NSMCE2: variants seen among roughly 807,000 people sequenced by gnomAD.
The protein encoded by NSMCE2 is E3 SUMO-protein ligase NSE2.
In NSMCE2, 24 loss-of-function variants were observed where a neutral mutation model predicts 23.8. That is an observed-to-expected ratio of 1.01 (90% confidence interval 0.73 to 1.42). The LOEUF (loss-of-function observed/expected upper bound fraction) is 1.42. Ranked by LOEUF, NSMCE2 falls within the 40% of genes most tolerant of loss-of-function variation. NSMCE2 has a pLI of 0.00. For missense variants in NSMCE2, 284 were observed against 296.5 expected (o/e 0.96, Z 0.31); for synonymous variants, 92 against 94.1 (o/e 0.98, Z 0.13).
intron 5 of NSMCE2, among the ~76,000 whole-genome samples, chr8:125,321,477 C>G (rs1394160499): frequency 6.6e-6 from 1 of 152,068 alleles, no homozygotes; most frequent in Non-Finnish European, 1.5e-5. Context: ...AAAGTAATAC[C>G]AAGTCTACAG....
intron 5 of NSMCE2, among the ~76,000 whole-genome samples, chr8:125,328,220 A>AGAAACAATATTCTAAATGTG (rs949843476): frequency 3.3e-5 from 5 of 151,880 alleles, no homozygotes; most frequent in Non-Finnish European, 7.4e-5. Flanking sequence ...CATGTCCACA[A>AGAAACAATATTCTAAATGTG]GAAACAATAT....
chr8:125,253,183 T>C (rs1826265101), intron 5 of NSMCE2, among the ~76,000 whole-genome samples: 3 of 152,192 alleles, frequency 2.0e-5, no homozygotes, highest in Admixed American at 2.0e-4. Flanking sequence ...TAGGCAAATA[T>C]GGAAGTTTAT....
At chr8:125,221,261 A>G (rs994851017) in intron 5 of NSMCE2, among the ~76,000 whole-genome samples, 3 of 152,144 alleles carry the variant, frequency 2.0e-5, no homozygotes, top group Non-Finnish European at 4.4e-5. Flanking sequence ...TATCTCTTTT[A>G]TTGAGACAAG....
intron 5 of NSMCE2, among the ~76,000 whole-genome samples, chr8:125,198,796 G>A (rs1823740455): frequency 6.6e-6 from 1 of 152,176 alleles, no homozygotes; most frequent in African/African-American, 2.4e-5. Flanking sequence ...GGTAGAATTA[G>A]GCTGTGAATC....
intron 5 of NSMCE2, among the ~76,000 whole-genome samples, chr8:125,238,696 A>G (rs1156901173): frequency 1.3e-5 from 2 of 152,056 alleles, no homozygotes; most frequent in Non-Finnish European, 2.9e-5. Flanking sequence ...TTATTTTAAG[A>G]TTTAAAATAA....
At chr8:125,292,234 GAGAAGA>G (rs940985767) in intron 5 of NSMCE2, among the ~76,000 whole-genome samples, 1 of 151,782 alleles carries the variant, frequency 6.6e-6, no homozygotes, top group Admixed American at 6.6e-5. Context: ...AAAAAAAAAG[GAGAAGA>G]AGAAGAAAAA....
chr8:125,344,949 T>G (rs1045389083), intron 5 of NSMCE2, among the ~76,000 whole-genome samples: 1 of 151,900 alleles, frequency 6.6e-6, no homozygotes, highest in African/African-American at 2.4e-5. Flanking sequence ...CTTTCAGATA[T>G]CTATACTTCT....
At chr8:125,257,726 G>A (rs553533308) in intron 5 of NSMCE2, among the ~76,000 whole-genome samples, 48 of 152,026 alleles carry the variant, frequency 3.2e-4, no homozygotes, top group African/African-American at 1.1e-3. Context: ...AGTAGAAACG[G>A]GGTTTCATTG....
At chr8:125,302,433 A>G (rs528537867) in intron 5 of NSMCE2, among the ~76,000 whole-genome samples, 8 of 152,170 alleles carry the variant, frequency 5.3e-5, no homozygotes, top group Non-Finnish European at 1.0e-4. Flanking sequence ...GGGAAAGGAA[A>G]GTAGGAGATG....
chr8:125,232,374 A>AG (rs1491162587), intron 5 of NSMCE2, among the ~76,000 whole-genome samples: 1 of 152,028 alleles, frequency 6.6e-6, no homozygotes, highest in Non-Finnish European at 1.5e-5. Context: ...AAAAAAAAAA[A>AG]GAAAGAAAGA....
rs1337676190 is a variant in NSMCE2, at chr8:125,324,675, C to T, written c.419-32544C>T. Among the ~76,000 whole-genome samples the T allele has an allele frequency of 3.0e-5, 3 of 100,676 alleles. 1 individual carries two copies. The highest frequency in any genetic ancestry group is 7.1e-5 in the Non-Finnish European group (3 of 42,548). 66.0% of individuals were successfully genotyped at this position (100,676 alleles called of 152,430 possible). A position where few individuals can be genotyped will look rare whatever the true frequency, so the allele number is the denominator to read the frequency against. On this transcript the variant is annotated intron_variant, in intron 5 of 7. Transcript: ENST00000287437. ...CTGCAAGCTCCGCCTCCCGGGTTCA[C>T]GCCATTCTCCTGCCTCAGCCTCCCG...
chr8:125,245,366 C>T (rs1258073767), intron 5 of NSMCE2, among the ~76,000 whole-genome samples: 1 of 152,128 alleles, frequency 6.6e-6, no homozygotes, highest in Non-Finnish European at 1.5e-5. Flanking sequence ...ACATTTACAT[C>T]AAATATTAAC....
chr8:125,319,330 C>A (rs955103441), intron 5 of NSMCE2, among the ~76,000 whole-genome samples: 1 of 151,994 alleles, frequency 6.6e-6, no homozygotes. Flanking sequence ...GGTAAAATTA[C>A]CAGGCAAACA....
chr8:125,103,083 T>C lies in NSMCE2; in HGVS notation c.157+596T>C, dbSNP rs192199562. Among the ~76,000 whole-genome samples the C allele has an allele frequency of 3.0e-3, 464 of 152,218 alleles. 2 individuals are homozygous for C. The highest frequency in any genetic ancestry group is 0.01 in the Middle Eastern group (3 of 294). On this transcript the variant is annotated intron_variant, in intron 3 of 7. Transcript: ENST00000287437. The stretch of plus-strand genomic sequence containing the variant: ...GAGTTTGAGACCAGCCTGGCCAATA[T>C]GGTGAAACCCCGTCTCTACTAAAAA...
chr8:125,309,921 G>A (rs1828915357), intron 5 of NSMCE2, among the ~76,000 whole-genome samples: 1 of 152,150 alleles, frequency 6.6e-6, no homozygotes, highest in South Asian at 2.1e-4. Context: ...GTGGTCAAAA[G>A]GTTTTTAAGA....
At position 125,287,936 on chromosome 8, in the gene NSMCE2, C is replaced by T. The variant is rs541024326; in HGVS notation, c.419-69283C>T. Among the ~76,000 whole-genome samples the T allele has an allele frequency of 7.2e-5, 11 of 151,976 alleles. No individual in the cohort carries two copies. The South Asian group carries it at 1.2e-3, about 17-fold the overall frequency. ...CCCAGATACTCATTACTCCCTTGTG[C>T]GGGATCCTTCTCAACTAACTCCTGT... is the stretch of plus-strand genomic sequence containing the variant. On this transcript the variant is annotated intron_variant, in intron 5 of 7. Transcript: ENST00000287437.
chr8:125,170,514 C>G (rs1563694752), intron 4 of NSMCE2, among the ~76,000 whole-genome samples: 1 of 148,388 alleles, frequency 6.7e-6, no homozygotes, highest in Non-Finnish European at 1.5e-5. Flanking sequence ...TCAGGAGATT[C>G]TCCTGCCTCA....
chr8:125,261,966 G>A (rs146958911), intron 5 of NSMCE2, among the ~76,000 whole-genome samples: 39 of 151,686 alleles, frequency 2.6e-4, no homozygotes, highest in Admixed American at 1.5e-3. Flanking sequence ...GTGTGGTGGC[G>A]CACACCTGTC....
intron 5 of NSMCE2, among the ~76,000 whole-genome samples, chr8:125,237,317 A>G (rs1402455270): frequency 1.3e-5 from 2 of 152,232 alleles, no homozygotes; most frequent in African/African-American, 2.4e-5. Context: ...GGGCATTGAC[A>G]TCTTAAACAC....
Sources: allele counts gnomAD v4.1 joint callset (sites outside exome capture counted in the v4.1 genomes callset), GRCh38; gene constraint gnomAD v4.1.1; transcripts MANE v1.5; gene names NCBI Gene and HGNC (gene_info 2026-07-23, HGNC 2026-07-21).